NUCB1: variants seen among roughly 807,000 people sequenced by gnomAD.
NUCB1 encodes the protein nucleobindin 1.
Under a neutral mutation model 61.2 loss-of-function variants are expected in NUCB1, and 47 were observed. The ratio of observed to expected loss-of-function variants is 0.77; its 90% CI spans 0.61 to 0.98. The LOEUF is 0.98. NUCB1 is among the 50% of genes least tolerant of loss of function. NUCB1 has a pLI of 0.00. For missense variants in NUCB1, 583 were observed against 605.3 expected (o/e 0.96, Z 0.39); for synonymous variants, 234 against 243.1 (o/e 0.96, Z 0.35).
At position 48,913,497 on chromosome 19, in the gene NUCB1, G is replaced by T; in HGVS notation, c.690G>T (p.Glu230Asp). The change falls in exon 7 of 13, where the codon GAG becomes GAT. Residue 230 changes from glutamate (E) to aspartate (D), a missense_variant. Glu to Asp is a conservative substitution (Grantham distance 45). Coordinates refer to ENST00000405315, the MANE Select transcript of NUCB1 (RefSeq NM_006184.6). The stretch of plus-strand genomic sequence containing the variant: ...AGGGCAGCCAAGCCCAGTTGAAGGA[G>T]GTGTGGGAGGAGCTGGATGGACTGG... ...NVPGSQAQLK[E>D]VWEELDGLDP... 1 of 1,614,194 alleles carries T rather than the reference G, an allele frequency of 6.2e-7. No homozygotes were observed. The highest frequency in any genetic ancestry group is 8.5e-7 in the Non-Finnish European group (1 of 1,180,008).
chr19:48,917,192 C>T (rs2037550522), intron 7 of NUCB1, among the ~76,000 whole-genome samples: 1 of 152,092 alleles, frequency 6.6e-6, no homozygotes, highest in Non-Finnish European at 1.5e-5. Context: ...CATTGCACTC[C>T]AGCCTGGGTG....
At chr19:48,900,418 G>T in intron 1 of NUCB1, 46 bp downstream of exon 1, 1 of 247,096 alleles carries the variant, frequency 4.0e-6, no homozygotes, top group Non-Finnish European at 7.9e-6. Context: ...GGGAGGATGG[G>T]GGCCAGAGGG....
chr19:48,900,785 G>A lies in NUCB1; in HGVS notation c.-11-1G>A. 1 of 1,613,562 alleles carries A rather than the reference G, an allele frequency of 6.2e-7. No individual in the cohort carries two copies. Among genetic ancestry groups the A allele is most frequent in the Non-Finnish European group, 8.5e-7 (1 of 1,179,874 alleles). On this transcript the variant is annotated splice_acceptor_variant, in intron 1 of 12. Transcript: ENST00000405315. LOFTEE classifies it low-confidence loss of function (5UTR_SPLICE). ...ATTATCCAGCCCTCCATCCCCCACA[G>A]ACCACACTGCCATGCCTCCCTCTGG...
At chr19:48,901,174 T>C in intron 2 of NUCB1, 1 of 606,260 alleles carries the variant, frequency 1.6e-6, no homozygotes, top group South Asian at 2.0e-5. Context: ...TTTAAGATTC[T>C]CTCCACCCAA....
chr19:48,911,111 A>C, intron 4 of NUCB1, 38 bp from the exon 5 acceptor site: 1 of 1,462,466 alleles, frequency 6.8e-7, no homozygotes, highest in Non-Finnish European at 9.6e-7. Flanking sequence ...TTCTGAAAGA[A>C]CATGCCCTCA....
chr19:48,910,368 A>G (rs575129922), intron 4 of NUCB1, among the ~76,000 whole-genome samples: 871 of 71,114 alleles, frequency 0.012, 9 homozygotes, highest in African/African-American at 0.045. Context: ...GAGCCACCGC[A>G]CCCAGCCTTG....
chr19:48,905,996 G>C (rs2037409219), intron 4 of NUCB1, 111 bp downstream of exon 4: 4 of 1,122,014 alleles, frequency 3.6e-6, no homozygotes, highest in Non-Finnish European at 3.8e-6. Flanking sequence ...CCTCCCCGCT[G>C]CGAAATGTGC....
chr19:48,919,318 ACCTCT>A, intron 10 of NUCB1, 32 bp downstream of exon 10: 2 of 1,519,538 alleles, frequency 1.3e-6, no homozygotes, highest in African/African-American at 2.7e-5. Flanking sequence ...GGGGTCCTGA[ACCTCT>A]CTCTCTTCTA....
Position 48,913,056 on chromosome 19 carries a change from T to G in NUCB1, c.526T>G (p.Phe176Val). Residue 176 changes from phenylalanine (F) to valine (V), a missense_variant, in exon 6 of 13, where the codon TTC becomes GTC. Physicochemically the swap from Phe to Val is conservative, Grantham distance 50 (BLOSUM62 -1). Coordinates refer to ENST00000405315, the MANE Select transcript of NUCB1 (RefSeq NM_006184.6). Reference protein sequence around the residue: ...AQYDAAHHEEFKRYEMLKEHE... With the variant: ...AQYDAAHHEEVKRYEMLKEHE... Reference sequence around the variant, plus strand: ...GTACGACGCAGCCCATCATGAAGAGTTCAAGCGCTACGAGATGCTTAAGGA... The same window carrying G: ...GTACGACGCAGCCCATCATGAAGAGGTCAAGCGCTACGAGATGCTTAAGGA... 1 of 1,604,254 alleles carries G rather than the reference T, an allele frequency of 6.2e-7. No individual in the cohort carries two copies. The highest frequency in any genetic ancestry group is 1.4e-5 in the African/African-American group (1 of 72,692).
chr19:48,902,470 G>A (rs1207342708), intron 2 of NUCB1, among the ~76,000 whole-genome samples: 1 of 142,868 alleles, frequency 7.0e-6, no homozygotes, highest in African/African-American at 2.7e-5. Context: ...CTGGAGTGCA[G>A]TGGTGCAATC....
chr19:48,918,998 C>CAA (rs780696215), intron 8 of NUCB1, 32 bp from the exon 9 acceptor site: 1 of 1,600,200 alleles, frequency 6.2e-7, no homozygotes, highest in African/African-American at 1.3e-5. Context: ...GGGGACCTCT[C>CAA]AATGCTGTCT....
At position 48,913,084 on chromosome 19, in the gene NUCB1, ACGAGAGACGG is replaced by A. The variant is rs2037495918; in HGVS notation, c.557_566del (p.Glu186ValfsTer40). 5.0e-6 allele frequency: 8 copies of A among 1,613,816 alleles called. No homozygotes were observed. In the African/African-American group the frequency reaches 9.3e-5, roughly 19 times the overall value. On this transcript the variant is annotated frameshift_variant, in exon 6 of 13. Transcript: ENST00000405315. LOFTEE classifies it high-confidence loss of function. ...AAGCGCTACGAGATGCTTAAGGAACACGAGAGACGGCGTTATCTGGAGTCACTGGGAGAGG... is the reference window on the plus strand; with the variant it reads ...AAGCGCTACGAGATGCTTAAGGAACACGTTATCTGGAGTCACTGGGAGAGG...
intron 10 of NUCB1, among the ~76,000 whole-genome samples, chr19:48,919,814 G>T (rs73573657): frequency 0.087 from 12,339 of 141,206 alleles, 1,601 homozygotes; most frequent in African/African-American, 0.28. Context: ...TGTCGCGTAG[G>T]CTGGAGCCCA....
At chr19:48,904,319 G>T (rs370211574) in intron 2 of NUCB1, 28 bp from the exon 3 acceptor site, 3 of 1,460,676 alleles carry the variant, frequency 2.1e-6, no homozygotes, top group South Asian at 2.3e-5. Context: ...GGGAGCAGGG[G>T]CTGCTATGTC....
At chr19:48,903,799 T>G (rs568955303) in intron 2 of NUCB1, among the ~76,000 whole-genome samples, 2 of 145,110 alleles carry the variant, frequency 1.4e-5, no homozygotes, top group East Asian at 4.2e-4. Context: ...GATGGATGGA[T>G]GGATGGATAG....
chr19:48,903,854 ATGAG>A (rs1165940904), intron 2 of NUCB1, among the ~76,000 whole-genome samples: 2 of 65,464 alleles, frequency 3.1e-5, no homozygotes, highest in African/African-American at 5.5e-5. Context: ...GGATGGATGG[ATGAG>A]TGGATGGATG....
intron 5 of NUCB1, among the ~76,000 whole-genome samples, chr19:48,911,623 C>T (rs2037474932): frequency 6.6e-6 from 1 of 151,912 alleles, no homozygotes; most frequent in Non-Finnish European, 1.5e-5. Context: ...CCAGGCTGGT[C>T]TCGAACTCCT....
chr19:48,922,456 AT>A lies in NUCB1; in HGVS notation c.*33del. On this transcript the variant is annotated 3_prime_UTR_variant, in exon 13 of 13. Transcript: ENST00000405315. ...GGGACCCCAGCCCTCAGGATTCCTGATGCTCCAAGGCGACTGATGGGCGCTG... is the reference window on the plus strand; with the variant it reads ...GGGACCCCAGCCCTCAGGATTCCTGAGCTCCAAGGCGACTGATGGGCGCTG... The A allele has an allele frequency of 6.4e-7, 1 of 1,560,938 alleles. No homozygotes were observed. The highest frequency in any genetic ancestry group is 8.8e-7 in the Non-Finnish European group (1 of 1,132,262).
chr19:48,921,257 G>C lies in NUCB1; in HGVS notation c.1106G>C (p.Ser369Thr). ...AELNAKAQRL[S>T]QETEALGRSQ... Reference sequence around the variant, plus strand: ...CTGAATGCCAAGGCCCAGCGCCTCAGCCAGGAGACAGAGGCTCTAGGGCGG... The same window carrying C: ...CTGAATGCCAAGGCCCAGCGCCTCACCCAGGAGACAGAGGCTCTAGGGCGG... Residue 369 changes from serine to threonine, a missense_variant, in exon 11 of 13, where the codon AGC becomes ACC. Ser to Thr is a moderately conservative substitution (Grantham distance 58). Coordinates refer to ENST00000405315, the MANE Select transcript of NUCB1 (RefSeq NM_006184.6). 1 of 1,609,680 alleles carries C rather than the reference G, an allele frequency of 6.2e-7. No individual in the cohort carries two copies. The highest frequency in any genetic ancestry group is 8.5e-7 in the Non-Finnish European group (1 of 1,178,492).
Sources: allele counts gnomAD v4.1 joint callset (sites outside exome capture counted in the v4.1 genomes callset), GRCh38; gene constraint gnomAD v4.1.1; transcripts MANE v1.5; gene names NCBI Gene and HGNC (gene_info 2026-07-23, HGNC 2026-07-21).